PRKG1: variants seen among roughly 807,000 people sequenced by gnomAD.
PRKG1 encodes the protein protein kinase cGMP-dependent 1.
In PRKG1, 35 loss-of-function variants were observed where a neutral mutation model predicts 88.1. The observed-to-expected ratio is 0.40, with a 90% confidence interval of 0.30 to 0.53. PRKG1 has a LOEUF of 0.53. PRKG1 is among the 20% of genes least tolerant of loss of function. PRKG1 has a pLI of 0.59. For missense variants in PRKG1, 540 were observed against 839.8 expected, an observed-to-expected ratio of 0.64 and a Z score of 4.41; for synonymous variants, 303 against 292.5, an observed-to-expected ratio of 1.04 and a Z score of -0.37.
At chr10:51,561,190 G>T (rs1292545301) in intron 3 of PRKG1, among the ~76,000 whole-genome samples, 1 of 152,022 alleles carries the variant, frequency 6.6e-6, no homozygotes, top group East Asian at 1.9e-4. Flanking sequence ...TAGACTATAT[G>T]CCTATAGTCC....
intron 13 of PRKG1, 86 bp from the exon 14 acceptor site, chr10:52,282,067 T>A (rs2132449286): frequency 8.0e-7 from 1 of 1,248,388 alleles, no homozygotes; most frequent in South Asian, 1.8e-5. Flanking sequence ...TAAATTATTA[T>A]CATCATCAGT....
chr10:51,638,284 G>T (rs891047894), intron 3 of PRKG1, among the ~76,000 whole-genome samples: 8 of 152,076 alleles, frequency 5.3e-5, no homozygotes, highest in African/African-American at 1.9e-4. Context: ...AAATAGTAAT[G>T]GAAGTCTTAT....
chr10:51,911,449 AC>A (rs1398477140), intron 5 of PRKG1, among the ~76,000 whole-genome samples: 1 of 152,160 alleles, frequency 6.6e-6, no homozygotes, highest in Non-Finnish European at 1.5e-5. Context: ...AATAATTCTG[AC>A]CAAAGAAATG....
intron 3 of PRKG1, among the ~76,000 whole-genome samples, chr10:51,534,583 C>T (rs1053609173): frequency 2.0e-5 from 3 of 147,884 alleles, no homozygotes; most frequent in African/African-American, 5.0e-5. Flanking sequence ...AGGAGAATGG[C>T]GTGAACCCAG....
rs1564450686 is a variant in PRKG1, at chr10:51,334,184, CT to C, written c.479-133538del. Reference sequence around the variant, plus strand: ...TCTCTCTCTCTCTCTCTCTCTCTCTCTCTCTCTCACTCACACACACATACAA... The same window carrying C: ...TCTCTCTCTCTCTCTCTCTCTCTCTCCTCTCTCACTCACACACACATACAA... On this transcript the variant is annotated intron_variant, in intron 2 of 17. Transcript: ENST00000373980. Among the ~76,000 whole-genome samples, 133 of 149,654 alleles carry C rather than the reference CT, an allele frequency of 8.9e-4. 1 individual carries two copies. Among genetic ancestry groups the C allele is most frequent in the Middle Eastern group, 6.9e-3 (2 of 290 alleles).
At chr10:51,185,552 T>C (rs954938328) in intron 2 of PRKG1, among the ~76,000 whole-genome samples, 2 of 152,036 alleles carry the variant, frequency 1.3e-5, no homozygotes, top group African/African-American at 4.8e-5. Context: ...TATTTTAAAA[T>C]TCCATGTAGA....
At chr10:51,247,492 A>G (rs1037516332) in intron 2 of PRKG1, among the ~76,000 whole-genome samples, 1 of 152,030 alleles carries the variant, frequency 6.6e-6, no homozygotes, top group African/African-American at 2.4e-5. Context: ...ATTACTTTCC[A>G]TGAGATATTA....
At chr10:51,929,997 G>A (rs1842655454) in intron 5 of PRKG1, among the ~76,000 whole-genome samples, 1 of 152,140 alleles carries the variant, frequency 6.6e-6, no homozygotes, top group African/African-American at 2.4e-5. Context: ...CAGAGGTACT[G>A]GAAGAAAAGA....
At chr10:51,912,565 A>C (rs560587904) in intron 5 of PRKG1, among the ~76,000 whole-genome samples, 2 of 152,194 alleles carry the variant, frequency 1.3e-5, no homozygotes, top group Non-Finnish European at 2.9e-5. Context: ...AAAACAATTT[A>C]AAAGTAATAT....
At chr10:51,667,422 C>G (rs1420548928) in intron 3 of PRKG1, among the ~76,000 whole-genome samples, 2 of 152,106 alleles carry the variant, frequency 1.3e-5, no homozygotes, top group African/African-American at 4.8e-5. Context: ...TTTATTCAAG[C>G]TAACTGGGTT....
intron 1 of PRKG1, among the ~76,000 whole-genome samples, chr10:51,116,203 T>C (rs1381496378): frequency 6.6e-6 from 1 of 152,210 alleles, no homozygotes; most frequent in Non-Finnish European, 1.5e-5. Flanking sequence ...GCTGCATCAA[T>C]AATGTGGCAT....
intron 8 of PRKG1, among the ~76,000 whole-genome samples, chr10:52,153,683 CAGA>C (rs1376079052): frequency 2.0e-5 from 3 of 152,158 alleles, no homozygotes; most frequent in Non-Finnish European, 4.4e-5. Context: ...CTGACGGGAA[CAGA>C]AGAAGTGATT....
intron 7 of PRKG1, among the ~76,000 whole-genome samples, chr10:52,108,811 G>A (rs891000137): frequency 6.6e-6 from 1 of 150,492 alleles, no homozygotes; most frequent in African/African-American, 2.5e-5. Flanking sequence ...ATTAACCTGG[G>A]AGAACAAGTA....
intron 5 of PRKG1, among the ~76,000 whole-genome samples, chr10:51,946,870 A>G (rs1843050146): frequency 6.6e-6 from 1 of 151,896 alleles, no homozygotes; most frequent in Non-Finnish European, 1.5e-5. Flanking sequence ...GTCTACCCCT[A>G]CTGGGGGGTG....
At chr10:51,174,053 A>G (rs1017514656) in intron 2 of PRKG1, among the ~76,000 whole-genome samples, 1 of 151,920 alleles carries the variant, frequency 6.6e-6, no homozygotes, top group Non-Finnish European at 1.5e-5. Context: ...GAGGCAATTA[A>G]TGTTACTAGT....
At chr10:51,370,565 C>T (rs972941281) in intron 2 of PRKG1, among the ~76,000 whole-genome samples, 9 of 150,388 alleles carry the variant, frequency 6.0e-5, no homozygotes, top group Non-Finnish European at 1.3e-4. Context: ...GCAGCCAGTC[C>T]CAGCCTTACC....
chr10:51,922,989 G>T (rs1842493374), intron 5 of PRKG1, among the ~76,000 whole-genome samples: 1 of 151,878 alleles, frequency 6.6e-6, no homozygotes, highest in Admixed American at 6.6e-5. Flanking sequence ...CCAATAACAG[G>T]GTATTGAAAT....
At chr10:51,559,260 A>T (rs1442744497) in intron 3 of PRKG1, among the ~76,000 whole-genome samples, 2 of 152,096 alleles carry the variant, frequency 1.3e-5, no homozygotes, top group Middle Eastern at 3.2e-3. Flanking sequence ...AATGCCTTAT[A>T]CATTGCTATA....
At chr10:52,261,665 C>A (rs1841437006) in intron 10 of PRKG1, among the ~76,000 whole-genome samples, 2 of 152,026 alleles carry the variant, frequency 1.3e-5, no homozygotes, top group Admixed American at 1.3e-4. Context: ...TGAAACAAGG[C>A]AAATGCTATG....
Sources: gnomAD v4.1 joint callset for allele counts (sites outside exome capture counted in the v4.1 genomes callset) on GRCh38, gnomAD v4.1.1 for gene constraint, MANE v1.5 for transcripts, NCBI Gene and HGNC (gene_info 2026-07-23, HGNC 2026-07-21) for gene names.